Variants in ATP8B4 observed in about 807,000 individuals in gnomAD.
ATP8B4 encodes ATPase phospholipid transporting 8B4 (putative), also known as probable phospholipid-transporting ATPase IM.
Under a neutral mutation model 145.6 loss-of-function variants are expected in ATP8B4, and 133 were observed. The ratio of observed to expected loss-of-function variants is 0.91; its 90% CI spans 0.79 to 1.05. The LOEUF is 1.05. Among genes scored for constraint, ATP8B4 ranks in the 50% least tolerant of loss-of-function variants. ATP8B4 has a pLI of 0.00. For synonymous variants in ATP8B4, 507 were observed against 492.9 expected, an observed-to-expected ratio of 1.03 and a Z score of -0.38; for missense variants, 1,458 against 1,425.2, an observed-to-expected ratio of 1.02 and a Z score of -0.37.
chr15:49,972,640 A>G lies in ATP8B4; in HGVS notation c.1185T>C (p.Gly395=). The change falls in exon 13 of 28, where the codon GGT becomes GGC. Residue 395 remains glycine (G), a synonymous_variant. Coordinates refer to ENST00000284509, the MANE Select transcript of ATP8B4 (RefSeq NM_024837.4). ...QIEYIFSDKT[G]TLTQNIMTFK... Reference sequence around the variant, plus strand: ...AGGTCATGATGTTTTGAGTGAGGGTACCCGTTTTGTCGGAGAAAATGTACT... The same window carrying G: ...AGGTCATGATGTTTTGAGTGAGGGTGCCCGTTTTGTCGGAGAAAATGTACT... 1 of 1,613,956 alleles carries G rather than the reference A, an allele frequency of 6.2e-7. No individual in the cohort carries two copies. Among genetic ancestry groups the G allele is most frequent in the South Asian group, 1.1e-5 (1 of 91,072 alleles).
At chr15:49,882,282 G>A (rs1417226901) in intron 23 of ATP8B4, among the ~76,000 whole-genome samples, 1 of 152,116 alleles carries the variant, frequency 6.6e-6, no homozygotes, top group Non-Finnish European at 1.5e-5. Context: ...GTTGTGACAG[G>A]GTCCCAGTAT....
intron 6 of ATP8B4, among the ~76,000 whole-genome samples, chr15:50,033,324 C>A (rs2050591075): frequency 6.6e-6 from 1 of 152,166 alleles, no homozygotes; most frequent in African/African-American, 2.4e-5. Flanking sequence ...AGGGAAATAT[C>A]CCGACTAAAT....
At chr15:50,094,708 A>AT (rs1567349925) in intron 2 of ATP8B4, among the ~76,000 whole-genome samples, 4 of 100,714 alleles carry the variant, frequency 4.0e-5, no homozygotes, top group African/African-American at 1.3e-4. Context: ...GTATATATAT[A>AT]CTACTATATA....
chr15:50,161,003 A>G (rs746873655), intron 1 of ATP8B4, among the ~76,000 whole-genome samples: 13 of 152,062 alleles, frequency 8.5e-5, no homozygotes, highest in African/African-American at 1.9e-4. Context: ...ATTGGGGTCT[A>G]TCTCTCTCTT....
At chr15:50,011,182 T>C (rs1253678301) in intron 6 of ATP8B4, among the ~76,000 whole-genome samples, 2 of 152,146 alleles carry the variant, frequency 1.3e-5, no homozygotes, top group African/African-American at 2.4e-5. Context: ...CCACCACCTA[T>C]GGTGCCAGCT....
chr15:49,951,912 T>C (rs1453613833), intron 14 of ATP8B4, among the ~76,000 whole-genome samples: 1 of 152,198 alleles, frequency 6.6e-6, no homozygotes, highest in Non-Finnish European at 1.5e-5. Context: ...CCTCAGCATT[T>C]GCTTATCTGG....
At chr15:49,981,420 G>A (rs2046145203) in intron 10 of ATP8B4, 126 bp from the exon 11 acceptor site, 2 of 695,628 alleles carry the variant, frequency 2.9e-6, no homozygotes, top group African/African-American at 1.8e-5. Flanking sequence ...CTTTTATTAA[G>A]AGCAAGGGCC....
intron 2 of ATP8B4, among the ~76,000 whole-genome samples, chr15:50,080,500 T>G (rs1432579989): frequency 6.6e-6 from 1 of 152,114 alleles, no homozygotes; most frequent in African/African-American, 2.4e-5. Flanking sequence ...TCTTTCCATT[T>G]GGAAAGGAAA....
At chr15:50,156,809 TA>T (rs1481396937) in intron 1 of ATP8B4, among the ~76,000 whole-genome samples, 3 of 152,212 alleles carry the variant, frequency 2.0e-5, no homozygotes, top group Admixed American at 2.0e-4. Context: ...CACTTCTTAG[TA>T]ATCTCTTAAG....
At chr15:50,035,780 C>T (rs1338471484) in intron 6 of ATP8B4, among the ~76,000 whole-genome samples, 2 of 152,172 alleles carry the variant, frequency 1.3e-5, no homozygotes, top group African/African-American at 2.4e-5. Flanking sequence ...TACTTTTCAT[C>T]CCACTTTCTT....
At position 50,058,961 on chromosome 15, in the gene ATP8B4, A is replaced by G. The variant is rs529023363; in HGVS notation, c.88-11497T>C. On this transcript the variant is annotated intron_variant, in intron 3 of 27. Transcript: ENST00000284509. ...ATGGGGCAGGTAGGGGAGGGCAGGG[A>G]AAAAAAAAAGAGTTTTAAAGCATCT... Among the ~76,000 whole-genome samples the G allele has an allele frequency of 9.4e-4, 102 of 108,870 alleles. No homozygotes were observed. In the East Asian group the frequency reaches 0.016, roughly 17 times the overall value. 71.4% of individuals were successfully genotyped at this position (108,870 alleles called of 152,430 possible).
intron 25 of ATP8B4, among the ~76,000 whole-genome samples, chr15:49,868,872 T>C (rs780796908): frequency 1.8e-4 from 28 of 152,204 alleles, no homozygotes; most frequent in Non-Finnish European, 3.4e-4. Flanking sequence ...AAATCACTAG[T>C]AAAATAAGAA....
At chr15:49,957,531 C>A (rs1464804873) in intron 14 of ATP8B4, among the ~76,000 whole-genome samples, 2 of 151,906 alleles carry the variant, frequency 1.3e-5, no homozygotes, top group Non-Finnish European at 2.9e-5. Context: ...CAAACTATAG[C>A]CCTGTGTTCT....
At chr15:49,984,452 C>G (rs529458710) in intron 10 of ATP8B4, among the ~76,000 whole-genome samples, 1 of 152,092 alleles carries the variant, frequency 6.6e-6, no homozygotes, top group Non-Finnish European at 1.5e-5. Flanking sequence ...GTGCATTAAC[C>G]AAGGGCATGT....
rs779618272 is a variant in ATP8B4, at chr15:49,996,760, CTG to C, written c.507-3_507-2del. The C allele has an allele frequency of 6.2e-7, 1 of 1,607,112 alleles. No individual in the cohort carries two copies. On this transcript the variant is annotated splice_acceptor_variant and splice_polypyrimidine_tract_variant and intron_variant, in intron 8 of 27. Transcript: ENST00000284509. LOFTEE classifies it high-confidence loss of function. Reference sequence around the variant, plus strand: ...ATGGCGGACTTTTAGGTTCGTTTCCCTGTGAAATTATTGACATGACATGAATT... The same window carrying C: ...ATGGCGGACTTTTAGGTTCGTTTCCCTGAAATTATTGACATGACATGAATT...
At chr15:50,025,264 T>C (rs529338927) in intron 6 of ATP8B4, among the ~76,000 whole-genome samples, 1 of 152,214 alleles carries the variant, frequency 6.6e-6, no homozygotes, top group Non-Finnish European at 1.5e-5. Flanking sequence ...AGGTATGAGA[T>C]TTTCCAAAGA....
rs756548201 is a variant in ATP8B4 at position 50,062,117 on chromosome 15, GAT to G, written c.87+12008_87+12009del. Among the ~76,000 whole-genome samples the G allele has an allele frequency of 2.6e-4, 39 of 152,268 alleles. 1 individual carries two copies. Among genetic ancestry groups the G allele is most frequent in the Admixed American group, 7.2e-4 (11 of 15,286 alleles). ...TAAGCAAGAATTACTCAATACGTGTGATATAGTTTGGATGTGTGTCCCCACCC... is the reference window on the plus strand; with the variant it reads ...TAAGCAAGAATTACTCAATACGTGTGATAGTTTGGATGTGTGTCCCCACCC... On this transcript the variant is annotated intron_variant, in intron 3 of 27. Coordinates refer to ENST00000284509, the MANE Select transcript of ATP8B4 (RefSeq NM_024837.4).
chr15:50,156,077 T>TATATATATATACATAA (rs1567410436), intron 1 of ATP8B4, among the ~76,000 whole-genome samples: 12 of 23,360 alleles, frequency 5.1e-4, no homozygotes, highest in Admixed American at 2.2e-3. Context: ...TAAATAAATA[T>TATATATATATACATAA]ATATATATAT....
At chr15:50,097,862 T>A (rs1222425873) in intron 2 of ATP8B4, among the ~76,000 whole-genome samples, 1 of 152,210 alleles carries the variant, frequency 6.6e-6, no homozygotes, top group Non-Finnish European at 1.5e-5. Flanking sequence ...ATTTACATAC[T>A]GCTTTTATAA....
Sources: gnomAD v4.1 joint callset for allele counts (sites outside exome capture counted in the v4.1 genomes callset) on GRCh38, gnomAD v4.1.1 for gene constraint, MANE v1.5 for transcripts, NCBI Gene and HGNC (gene_info 2026-07-23, HGNC 2026-07-21) for gene names.